Variants in SLC12A5 observed in about 807,000 individuals in gnomAD.
SLC12A5 encodes K-Cl cotransporter 2.
SLC12A5 carries 18 observed loss-of-function variants against 124.0 expected under a neutral mutation model. The observed-to-expected ratio is 0.15, with a 90% CI of 0.10 to 0.22. The LOEUF (loss-of-function observed/expected upper bound fraction) is 0.22. Among genes scored for constraint, SLC12A5 ranks in the 10% least tolerant of loss-of-function variants. The pLI is 1.00. For missense variants in SLC12A5, 867 were observed against 1,478.7 expected (o/e 0.59, Z 6.78); for synonymous variants, 589 against 568.0 (o/e 1.04, Z -0.53).
upstream of SLC12A5, among the ~76,000 whole-genome samples, chr20:46,025,314 A>G (rs1453319433): frequency 6.6e-6 from 1 of 152,142 alleles, no homozygotes; most frequent in Non-Finnish European, 1.5e-5. Flanking sequence ...CAGTCTGTCT[A>G]AGGAGATCTC....
intron 5 of SLC12A5, 149 bp from the exon 6 acceptor site, chr20:46,037,106 T>C: frequency 8.3e-7 from 1 of 1,204,598 alleles, no homozygotes. Flanking sequence ...GTTGCTTGGG[T>C]CTCTCACCAG....
At chr20:46,050,752 G>A (rs944742667) in intron 17 of SLC12A5, among the ~76,000 whole-genome samples, 1 of 152,226 alleles carries the variant, frequency 6.6e-6, no homozygotes, top group Non-Finnish European at 1.5e-5. Flanking sequence ...CCCAGCCCTC[G>A]AGGTGCTCAC....
chr20:46,036,820 A>G lies in SLC12A5; in HGVS notation c.481+25A>G, dbSNP rs769131646. The stretch of plus-strand genomic sequence containing the variant: ...GGTAGGTGACTGGGGCTTTGTGGGG[A>G]GGGAGGATGGCTGGGTGGAAGGAGG... On this transcript the variant is annotated intron_variant, in intron 5 of 25. Coordinates refer to ENST00000243964, the MANE Select transcript of SLC12A5 (RefSeq NM_020708.5). 5 of 1,613,186 alleles carry G rather than the reference A, an allele frequency of 3.1e-6. No individual in the cohort carries two copies. In the South Asian group the frequency reaches 5.5e-5, roughly 18 times the overall value.
At position 46,056,179 on chromosome 20, in the gene SLC12A5, C is replaced by T; in HGVS notation, c.2817C>T (p.Gly939=). 6.2e-6 allele frequency: 10 copies of T among 1,614,160 alleles called. No individual in the cohort carries two copies. The highest frequency in any genetic ancestry group is 8.5e-6 in the Non-Finnish European group (10 of 1,180,014). The change falls in exon 22 of 26, where the codon GGC becomes GGT. Residue 939 remains glycine (G), a synonymous_variant. Transcript: ENST00000243964. This position sits in a 1 kb window ranked among gnomAD's most constrained non-coding sequence, Gnocchi z 4.3. The part of the protein sequence containing the change: ...EIQSITDESR[G]SIRRKNPANT... ...AGAGTATCACAGATGAGTCACGAGG[C>T]TCAATCCGGAGAAAGAATCCAGCCA...
At chr20:46,039,732 G>A (rs12479662) in intron 6 of SLC12A5, among the ~76,000 whole-genome samples, 4,428 of 151,804 alleles carry the variant, frequency 0.029, 170 homozygotes, top group Admixed American at 0.12. Flanking sequence ...CCAAGATCGT[G>A]CCACTGCACT....
At position 46,023,010 on chromosome 20, in the gene SLC12A5, G is replaced by C. The variant is rs976441682; in HGVS notation, c.130G>C (p.Gly44Arg). Residue 44 changes from glycine to arginine, a missense_variant, in exon 2 of 3, where the codon GGA becomes CGA. Transcript: ENST00000413737. ...AGGAGGAAGAGGAGGAGGAAGAGGA[G>C]GAGGAGGAGAAGGAGGAGGAGAAGC... is the stretch of plus-strand genomic sequence containing the variant. The C allele has an allele frequency of 3.5e-5, 14 of 405,756 alleles. No individual in the cohort carries two copies. In the South Asian group the frequency reaches 1.6e-3, roughly 46 times the overall value. The allele number at this position is 405,756 out of a possible 1,614,324, so 25.1% of individuals were successfully genotyped here. A position where few individuals can be genotyped will look rare whatever the true frequency, so the allele number is the denominator to read the frequency against.
In SLC12A5 at chr20:46,059,102, C is replaced by G. The variant is rs1417286104; in HGVS notation, c.*1497C>G. 4.3e-6 allele frequency: 1 copy of G among 230,410 alleles called. No individual in the cohort carries two copies. Among genetic ancestry groups the G allele is most frequent in the Non-Finnish European group, 8.3e-6 (1 of 120,154 alleles). 14.3% of individuals were successfully genotyped at this position (230,410 alleles called of 1,614,324 possible). A position where few individuals can be genotyped will look rare whatever the true frequency, so the allele number is the denominator to read the frequency against. On this transcript the variant is annotated 3_prime_UTR_variant, in exon 26 of 26. Coordinates refer to ENST00000243964, the MANE Select transcript of SLC12A5 (RefSeq NM_020708.5). ...GAAGGCGCGGTGGCCGGGTTCCCTTCCCCTAGGGCACATTACTAAGGGGGT... is the reference window on the plus strand; with the variant it reads ...GAAGGCGCGGTGGCCGGGTTCCCTTGCCCTAGGGCACATTACTAAGGGGGT...
chr20:46,037,760 G>A (rs1044643908), intron 6 of SLC12A5, among the ~76,000 whole-genome samples: 1 of 152,218 alleles, frequency 6.6e-6, no homozygotes, highest in Admixed American at 6.5e-5. Flanking sequence ...GGCGGCAGAG[G>A]TGGGTTGATG....
Position 46,057,183 on chromosome 20 carries a change from G to T in SLC12A5, c.3139G>T (p.Val1047Leu). The T allele has an allele frequency of 6.2e-7, 1 of 1,614,162 alleles. No individual in the cohort carries two copies. The highest frequency in any genetic ancestry group is 1.1e-5 in the South Asian group (1 of 91,084). The change falls in exon 25 of 26, where the codon GTG (valine) becomes TTG (leucine). Residue 1047 changes from valine to leucine, a missense_variant. Physicochemically the swap from Val to Leu is conservative, Grantham distance 32. Around this residue, in one of 9 missense-constraint regions of SLC12A5, gnomAD observed 180 missense variants for 243.6 expected, o/e 0.74. Coordinates refer to ENST00000243964, the MANE Select transcript of SLC12A5 (RefSeq NM_020708.5). The surrounding 1 kb of genome is among the most constrained non-coding windows in gnomAD (Gnocchi z 7.1). ...PEWENLNQSN[V>L]RRMHTAVRLN... ...TTCCTGCCGCAGGAACCAGTCCAAC[G>T]TGCGGCGCATGCACACGGCCGTGCG...
upstream of SLC12A5, among the ~76,000 whole-genome samples, chr20:46,028,513 T>G (rs1388425773): frequency 6.6e-6 from 1 of 151,648 alleles, no homozygotes; most frequent in Non-Finnish European, 1.5e-5. Context: ...AATGAGAGAG[T>G]TCCTTGGAAC....
Position 46,057,681 on chromosome 20 carries a change from G to A in SLC12A5, c.*76G>A, listed in dbSNP as rs1428037020. On this transcript the variant is annotated 3_prime_UTR_variant, in exon 26 of 26. Transcript: ENST00000243964. This position sits in a 1 kb window ranked among gnomAD's most constrained non-coding sequence, Gnocchi z 7.1. ...AGCCCTCGCCGCGCCCCCCGCCGCTGTCACCGTTTACATACAGACCCTGTG... is the reference window on the plus strand; with the variant it reads ...AGCCCTCGCCGCGCCCCCCGCCGCTATCACCGTTTACATACAGACCCTGTG... 1 of 1,164,378 alleles carries A rather than the reference G, an allele frequency of 8.6e-7. No homozygotes were observed. The highest frequency in any genetic ancestry group is 1.2e-6 in the Non-Finnish European group (1 of 822,932). 72.1% of individuals were successfully genotyped at this position (1,164,378 alleles called of 1,614,324 possible). A position where few individuals can be genotyped will look rare whatever the true frequency, so the allele number is the denominator to read the frequency against.
intron 8 of SLC12A5, among the ~76,000 whole-genome samples, chr20:46,042,005 A>G (rs1254683932): frequency 6.6e-6 from 1 of 152,222 alleles, no homozygotes; most frequent in East Asian, 1.9e-4. Flanking sequence ...GGACAAATGA[A>G]AGATCTTCAA....
intron 6 of SLC12A5, among the ~76,000 whole-genome samples, chr20:46,039,332 T>G (rs2084524882): frequency 6.6e-6 from 1 of 152,252 alleles, no homozygotes; most frequent in Admixed American, 6.5e-5. Flanking sequence ...GATGTACTTA[T>G]GAAAACACAT....
chr20:46,054,335 T>A (rs910489488), intron 20 of SLC12A5, among the ~76,000 whole-genome samples: 1 of 152,366 alleles, frequency 6.6e-6, no homozygotes, highest in East Asian at 1.9e-4. Flanking sequence ...GCACATACAA[T>A]GGTGTTATTT....
intron 18 of SLC12A5, 60 bp downstream of exon 18, chr20:46,051,930 G>A: frequency 7.4e-7 from 1 of 1,347,326 alleles, no homozygotes; most frequent in Non-Finnish European, 9.9e-7. Flanking sequence ...TAGAGGGGTG[G>A]AACTGGATTT....
At chr20:46,035,664 G>C (rs75075540) in intron 3 of SLC12A5, 113 bp from the exon 4 acceptor site, 2 of 1,508,748 alleles carry the variant, frequency 1.3e-6, no homozygotes, top group African/African-American at 1.4e-5. Flanking sequence ...AGGGATGAAG[G>C]GTTGAGAATA....
intron 16 of SLC12A5, 36 bp from the exon 17 acceptor site, chr20:46,049,586 T>A: frequency 6.3e-7 from 1 of 1,575,634 alleles, no homozygotes. Flanking sequence ...GTTGGTTACA[T>A]GGTATATGGA....
At chr20:46,043,529 A>T in intron 9 of SLC12A5, 104 bp from the exon 10 acceptor site, 1 of 1,283,550 alleles carries the variant, frequency 7.8e-7, no homozygotes, top group South Asian at 1.3e-5. Flanking sequence ...GTATGTTAGG[A>T]CTAGATCCCA....
intron 14 of SLC12A5, 105 bp from the exon 15 acceptor site, chr20:46,047,349 C>G (rs1270761207): frequency 4.7e-6 from 7 of 1,490,278 alleles, no homozygotes; most frequent in African/African-American, 1.4e-5. Flanking sequence ...TGTCACCTCC[C>G]AGGTCTTGCC....
Sources: allele counts gnomAD v4.1 joint callset (sites outside exome capture counted in the v4.1 genomes callset), GRCh38; gene constraint gnomAD v4.1.1; regional missense constraint gnomAD v4.1.1; non-coding constraint Gnocchi (gnomAD v3.1); transcripts MANE v1.5; gene names NCBI Gene and HGNC (gene_info 2026-07-23, HGNC 2026-07-21).